The following ZCCHC4 variants were observed in gnomAD, a reference collection of about 807,000 sequenced individuals.
The protein encoded by ZCCHC4 is zinc finger CCHC-type containing 4, also known as rRNA N(6)-adenosine-methyltransferase ZCCHC4.
A neutral mutation model predicts 67.7 loss-of-function variants in ZCCHC4; 54 were observed. The ratio of observed to expected loss-of-function variants is 0.80; its 90% confidence interval spans 0.64 to 1.00. The LOEUF is 1.00. ZCCHC4 is among the 50% of genes least tolerant of loss of function. ZCCHC4 has a pLI of 0.00. For missense variants in ZCCHC4, 609 were observed against 617.0 expected, an observed-to-expected ratio of 0.99 and a Z score of 0.14; for synonymous variants, 198 against 213.5, an observed-to-expected ratio of 0.93 and a Z score of 0.63.
At position 25,321,008 on chromosome 4, in the gene ZCCHC4, G is replaced by A. The variant is rs77096059; in HGVS notation, c.329+5608G>A. On this transcript the variant is annotated intron_variant, in intron 3 of 12. Coordinates refer to ENST00000302874, the MANE Select transcript of ZCCHC4 (RefSeq NM_024936.3). ...TTTGCAACTTCTGCCTTCAGCTAGT[G>A]TTACTCAGTGGGTGATAGGTAGTCC... Among the ~76,000 whole-genome samples the A allele has an allele frequency of 2.2e-3, 340 of 152,234 alleles. 5 individuals carry two copies. Among genetic ancestry groups the A allele is most frequent in the African/African-American group, 7.9e-3 (328 of 41,532 alleles).
chr4:25,332,944 C>G (rs1270696799), intron 3 of ZCCHC4, among the ~76,000 whole-genome samples: 1 of 152,146 alleles, frequency 6.6e-6, no homozygotes, highest in Non-Finnish European at 1.5e-5. Flanking sequence ...GATCTTCATT[C>G]AGTGACTAAA....
Position 25,369,145 on chromosome 4 carries a change from A to C in ZCCHC4, c.1523A>C (p.His508Pro). Residue 508 changes from histidine (H) to proline (P), a missense_variant, in exon 13 of 13, where the codon CAT (histidine) becomes CCT (proline). His to Pro is a moderately conservative substitution (Grantham distance 77). Transcript: ENST00000302874. ...TRRKKRRERA[H>P]QYLGS is the part of the protein sequence containing the mutation. ...AGAAAGAAAAGGAGGGAAAGAGCCC[A>C]TCAATATCTTGGCTCTTAAATGTCC... The C allele has an allele frequency of 6.2e-7, 1 of 1,613,026 alleles. No homozygotes were observed. The highest frequency in any genetic ancestry group is 8.5e-7 in the Non-Finnish European group (1 of 1,179,768).
chr4:25,364,224 C>G (rs567182159), intron 10 of ZCCHC4, among the ~76,000 whole-genome samples: 2 of 152,134 alleles, frequency 1.3e-5, no homozygotes, highest in East Asian at 3.9e-4. Context: ...TTAGATAAAT[C>G]TCCTAGTTTT....
At chr4:25,357,832 G>A (rs1282319552) in intron 8 of ZCCHC4, among the ~76,000 whole-genome samples, 1 of 152,190 alleles carries the variant, frequency 6.6e-6, no homozygotes, top group Non-Finnish European at 1.5e-5. Flanking sequence ...ACTTTAGTGT[G>A]CCAGGAGGGC....
intron 3 of ZCCHC4, among the ~76,000 whole-genome samples, chr4:25,318,326 CT>C (rs150504880): frequency 2.7e-4 from 27 of 99,224 alleles, no homozygotes; most frequent in African/African-American, 5.2e-4. Flanking sequence ...AACCACTGTT[CT>C]TTTTTTTTTT....
At chr4:25,322,330 C>T (rs1388480563) in intron 3 of ZCCHC4, among the ~76,000 whole-genome samples, 1 of 152,124 alleles carries the variant, frequency 6.6e-6, no homozygotes, top group Non-Finnish European at 1.5e-5. Flanking sequence ...TCAGCAGTTA[C>T]TCCCATTTCC....
chr4:25,315,303 T>C lies in ZCCHC4; in HGVS notation c.247-15T>C, dbSNP rs1022328000. The C allele has an allele frequency of 9.3e-6, 15 of 1,605,674 alleles. No individual in the cohort carries two copies. The South Asian group carries it at 1.7e-4, about 18-fold the overall frequency. ...ATTTCACAGTTTATTCAATGGGTTT[T>C]GTACTCTCTTTCAGTTGTCAGGAGC... On this transcript the variant is annotated splice_polypyrimidine_tract_variant and intron_variant, in intron 2 of 12. Transcript: ENST00000302874.
intron 8 of ZCCHC4, among the ~76,000 whole-genome samples, chr4:25,354,666 A>T (rs1023158457): frequency 2.0e-5 from 3 of 150,408 alleles, no homozygotes; most frequent in South Asian, 2.1e-4. Flanking sequence ...CTTCATTAAA[A>T]TTTTTTTTTT....
intron 4 of ZCCHC4, 25 bp downstream of exon 4, chr4:25,333,483 A>G: frequency 6.2e-7 from 1 of 1,610,436 alleles, no homozygotes; most frequent in Non-Finnish European, 8.5e-7. Flanking sequence ...TTTTTAAAGA[A>G]TTATCTTCTC....
chr4:25,319,564 A>G (rs1448106767), intron 3 of ZCCHC4, among the ~76,000 whole-genome samples: 1 of 152,140 alleles, frequency 6.6e-6, no homozygotes, highest in Non-Finnish European at 1.5e-5. Flanking sequence ...CAATGTTCCT[A>G]TGCTTTATTA....
At chr4:25,341,401 A>G (rs1719750825) in intron 5 of ZCCHC4, among the ~76,000 whole-genome samples, 1 of 152,134 alleles carries the variant, frequency 6.6e-6, no homozygotes, top group African/African-American at 2.4e-5. Context: ...GTGAGTTCTC[A>G]TTTTATTAGT....
chr4:25,349,219 TTTTAA>T (rs1009501833), intron 6 of ZCCHC4, among the ~76,000 whole-genome samples: 1 of 152,208 alleles, frequency 6.6e-6, no homozygotes, highest in African/African-American at 2.4e-5. Flanking sequence ...AAATTTAGCC[TTTTAA>T]TTTAACCATT....
intron 3 of ZCCHC4, among the ~76,000 whole-genome samples, chr4:25,318,349 CTTTTTTTT>C (rs528144406): frequency 8.8e-5 from 4 of 45,520 alleles, no homozygotes; most frequent in South Asian, 1.2e-3. Flanking sequence ...CACTCTCTCT[CTTTTTTTT>C]TTTTTTTTTT....
At chr4:25,368,474 A>G (rs1018297129) in intron 12 of ZCCHC4, among the ~76,000 whole-genome samples, 2 of 152,332 alleles carry the variant, frequency 1.3e-5, no homozygotes, top group East Asian at 3.9e-4. Context: ...AATCTTCAAG[A>G]TAAGGACCAC....
At chr4:25,365,557 G>T in intron 12 of ZCCHC4, 1 of 990,428 alleles carries the variant, frequency 1.0e-6, no homozygotes, top group Non-Finnish European at 1.2e-6. Context: ...GCTGGAGAAG[G>T]CATTTCAGAT....
intron 3 of ZCCHC4, among the ~76,000 whole-genome samples, chr4:25,322,388 C>T (rs1453809937): frequency 6.6e-6 from 1 of 152,214 alleles, no homozygotes; most frequent in Non-Finnish European, 1.5e-5. Context: ...CTTTCTGTCT[C>T]TATGGATTTG....
At chr4:25,313,305 T>TG (rs1169764339) in intron 1 of ZCCHC4, among the ~76,000 whole-genome samples, 1 of 152,228 alleles carries the variant, frequency 6.6e-6, no homozygotes, top group Non-Finnish European at 1.5e-5. Flanking sequence ...GTGTAATTCT[T>TG]GCCTGCGAAC....
At chr4:25,315,451 G>A in intron 3 of ZCCHC4, 51 bp downstream of exon 3, 2 of 1,387,720 alleles carry the variant, frequency 1.4e-6, no homozygotes, top group Middle Eastern at 1.8e-4. Context: ...CATTTTTTTT[G>A]TTATTGCCTT....
At chr4:25,317,415 A>G (rs1001188038) in intron 3 of ZCCHC4, among the ~76,000 whole-genome samples, 5 of 152,106 alleles carry the variant, frequency 3.3e-5, no homozygotes, top group Admixed American at 2.6e-4. Flanking sequence ...TGAAAAGGGA[A>G]TTAAAGAAAA....
Sources: allele counts gnomAD v4.1 joint callset (sites outside exome capture counted in the v4.1 genomes callset), GRCh38; gene constraint gnomAD v4.1.1; transcripts MANE v1.5; gene names NCBI Gene and HGNC (gene_info 2026-07-23, HGNC 2026-07-21).